Variants in ABR observed in about 807,000 individuals in gnomAD.
ABR encodes the protein ABR activator of RhoGEF and GTPase, also known as active breakpoint cluster region-related protein.
Under a neutral mutation model 107.2 loss-of-function variants are expected in ABR, and 35 were observed. The observed-to-expected ratio is 0.33, with a 90% confidence interval of 0.25 to 0.43. The LOEUF (loss-of-function observed/expected upper bound fraction) is 0.43. Among genes scored for constraint, ABR ranks in the 20% least tolerant of loss-of-function variants. The pLI, the probability that ABR is intolerant of heterozygous loss-of-function variation, is 1.00. For synonymous variants in ABR, 498 were observed against 462.0 expected (o/e 1.08, Z -1.00); for missense variants, 815 against 1,115.2 (o/e 0.73, Z 3.83).
At chr17:1,134,071 G>C (rs1214753089) in intron 1 of ABR, among the ~76,000 whole-genome samples, 7 of 152,198 alleles carry the variant, frequency 4.6e-5, no homozygotes, top group Admixed American at 4.6e-4. Context: ...CCTGAGGTCA[G>C]GAGTTCGAGA....
At chr17:1,111,996 C>G (rs543276425) in intron 2 of ABR, among the ~76,000 whole-genome samples, 1 of 151,790 alleles carries the variant, frequency 6.6e-6, no homozygotes, top group African/African-American at 2.4e-5. Context: ...CGCCATCTTA[C>G]GAGTCTTCCT....
chr17:1,123,926 G>GCAGGTCAA (rs2039469443), intron 2 of ABR, among the ~76,000 whole-genome samples: 1 of 152,138 alleles, frequency 6.6e-6, no homozygotes, highest in Middle Eastern at 3.2e-3. Flanking sequence ...CCGTCTTAGG[G>GCAGGTCAA]CAGGTCAACA....
chr17:1,192,696 C>T lies in ABR; in HGVS notation c.838+36097G>A, dbSNP rs550909290. On this transcript the variant is annotated intron_variant, in intron 1 of 22. Transcript: ENST00000574139. ...GGGAGGCCGAGGCAGGAGGATCACC[C>T]GAGGCCACGAGTTCAAGACCAGCCT... Among the ~76,000 whole-genome samples, 11 of 142,166 alleles carry T rather than the reference C, an allele frequency of 7.7e-5. 1 individual carries two copies. Among genetic ancestry groups the T allele is most frequent in the African/African-American group, 2.1e-4 (8 of 38,200 alleles). 93.3% of individuals were successfully genotyped at this position (142,166 alleles called of 152,430 possible). A position where few individuals can be genotyped will look rare whatever the true frequency, so the allele number is the denominator to read the frequency against.
rs994801747 is a variant in ABR, at chr17:1,179,849, C to T, written c.-122G>A. The T allele has an allele frequency of 9.3e-7, 1 of 1,071,728 alleles. No individual in the cohort carries two copies. Among genetic ancestry groups the T allele is most frequent in the Non-Finnish European group, 1.2e-6 (1 of 804,666 alleles). 66.4% of individuals were successfully genotyped at this position (1,071,728 alleles called of 1,614,324 possible). On this transcript the variant is annotated 5_prime_UTR_variant, in exon 1 of 23. Transcript: ENST00000302538. The surrounding 1 kb of genome is among the most constrained non-coding windows in gnomAD (Gnocchi z 4.9). ...CGCGGAGGGGCGAGGAGGCCGGGAA[C>T]CAGGTCCCCGGGAGGAGCGCGGGGC...
At chr17:1,137,763 G>A (rs1597943226) in intron 1 of ABR, among the ~76,000 whole-genome samples, 1 of 152,292 alleles carries the variant, frequency 6.6e-6, no homozygotes, top group Admixed American at 6.5e-5. Flanking sequence ...GTAAAGCGAG[G>A]TACGCCTGCA....
At chr17:1,180,594 C>A (rs1312128391), upstream of ABR, among the ~76,000 whole-genome samples, 8 of 152,168 alleles carry the variant, frequency 5.3e-5, no homozygotes, top group Non-Finnish European at 2.9e-5. Flanking sequence ...GGAGGACAAA[C>A]TGGAGCCAGG....
At chr17:1,042,970 C>T (rs1326318166) in intron 16 of ABR, among the ~76,000 whole-genome samples, 1 of 152,176 alleles carries the variant, frequency 6.6e-6, no homozygotes, top group Non-Finnish European at 1.5e-5. Flanking sequence ...ATTCCACCTA[C>T]GTAAGGTTCC....
At position 1,194,872 on chromosome 17, in the gene ABR, CG is replaced by C. The variant is rs1370572929; in HGVS notation, c.838+33920del. Reference sequence around the variant, plus strand: ...TTCGCCATGTTGGCCAGACTGGTCTCGAACTCCTGACTCAGGTGATTCACCC... The same window carrying C: ...TTCGCCATGTTGGCCAGACTGGTCTCAACTCCTGACTCAGGTGATTCACCC... On this transcript the variant is annotated intron_variant, in intron 1 of 22. Transcript: ENST00000574139. Among the ~76,000 whole-genome samples the C allele has an allele frequency of 9.3e-3, 1,004 of 108,266 alleles. 7 individuals carry two copies. The highest frequency in any genetic ancestry group is 0.016 in the Admixed American group (135 of 8,188). 71.0% of individuals were successfully genotyped at this position (108,266 alleles called of 152,430 possible).
At chr17:1,063,923 T>C (rs1273560088) in intron 10 of ABR, among the ~76,000 whole-genome samples, 1 of 150,884 alleles carries the variant, frequency 6.6e-6, no homozygotes, top group Non-Finnish European at 1.5e-5. Context: ...CTGAGGGCTA[T>C]GCATGTTCCT....
chr17:1,079,204 C>CGCTCACGCTCACACGCGCTCACACAT, intron 6 of ABR, 126 bp downstream of exon 6: 1 of 1,489,646 alleles, frequency 6.7e-7, no homozygotes, highest in Non-Finnish European at 9.0e-7. Flanking sequence ...CGCTCACACA[C>CGCTCACGCTCACACGCGCTCACACAT]GCTCACGCTC....
intron 1 of ABR, among the ~76,000 whole-genome samples, chr17:1,171,791 C>T (rs1377169930): frequency 2.0e-5 from 3 of 152,086 alleles, no homozygotes; most frequent in Non-Finnish European, 4.4e-5. Flanking sequence ...ATTAGCCGGG[C>T]GTGGTGGCAG....
chr17:1,109,116 C>T, intron 2 of ABR: 4 of 1,377,412 alleles, frequency 2.9e-6, no homozygotes, highest in Admixed American at 2.0e-5. Context: ...GTCCACGCAG[C>T]GGCGGCGGGA....
intron 17 of ABR, 36 bp from the exon 18 acceptor site, chr17:1,012,833 G>A (rs778132090): frequency 6.6e-6 from 10 of 1,509,594 alleles, no homozygotes; most frequent in South Asian, 1.2e-5. Context: ...GATTCCCCAG[G>A]GTGTGAGTGC....
At chr17:1,087,561 TAAAGGGGGTGGGG>T (rs2036689886) in intron 4 of ABR, among the ~76,000 whole-genome samples, 1 of 131,910 alleles carries the variant, frequency 7.6e-6, no homozygotes, top group Non-Finnish European at 1.6e-5. Flanking sequence ...GCCTGAGTTT[TAAAGGGGGTGGGG>T]CCTGACCTTA....
At chr17:1,170,889 CAA>C (rs2151597345) in intron 1 of ABR, among the ~76,000 whole-genome samples, 2 of 152,250 alleles carry the variant, frequency 1.3e-5, no homozygotes, top group African/African-American at 4.8e-5. Flanking sequence ...ACACAGTTCC[CAA>C]AGAGGCTCCC....
chr17:1,091,193 C>G (rs1028985370), intron 4 of ABR, among the ~76,000 whole-genome samples: 1 of 152,188 alleles, frequency 6.6e-6, no homozygotes, highest in Non-Finnish European at 1.5e-5. Flanking sequence ...ATGCCCCTAA[C>G]CCGGCATGTG....
chr17:1,041,063 G>A (rs993714130), intron 16 of ABR, among the ~76,000 whole-genome samples: 6 of 152,134 alleles, frequency 3.9e-5, no homozygotes, highest in Non-Finnish European at 7.3e-5. Context: ...GGGATTACAG[G>A]AGCGCACCAT....
intron 1 of ABR, among the ~76,000 whole-genome samples, chr17:1,130,689 A>C (rs1340319170): frequency 6.6e-6 from 1 of 152,204 alleles, no homozygotes; most frequent in African/African-American, 2.4e-5. Context: ...GATGTGAATA[A>C]ATGAAGGGTC....
intron 1 of ABR, among the ~76,000 whole-genome samples, chr17:1,186,318 G>C (rs2042296130): frequency 6.6e-6 from 1 of 152,212 alleles, no homozygotes; most frequent in Non-Finnish European, 1.5e-5. Flanking sequence ...GAGATCTACA[G>C]GCAACAGAGG....
Sources: allele counts gnomAD v4.1 joint callset (sites outside exome capture counted in the v4.1 genomes callset), GRCh38; gene constraint gnomAD v4.1.1; non-coding constraint Gnocchi (gnomAD v3.1); transcripts MANE v1.5; gene names NCBI Gene and HGNC (gene_info 2026-07-23, HGNC 2026-07-21).